FREM1: variants seen among roughly 807,000 people sequenced by gnomAD.
FREM1 encodes the protein FRAS1-related extracellular matrix protein 1.
FREM1 carries 220 observed loss-of-function variants against 210.1 expected under a neutral mutation model. That is an observed-to-expected ratio of 1.05 (90% confidence interval 0.94 to 1.17). The LOEUF (loss-of-function observed/expected upper bound fraction) is 1.17, where lower values mean the gene tolerates loss of function less well. FREM1 is among the 50% of genes most tolerant of loss of function. The probability of loss-of-function intolerance (pLI) is 0.00; values close to 1 mark genes in which losing one functional copy is unlikely to be tolerated. For missense variants in FREM1, 3,454 were observed against 2,675.5 expected (o/e 1.29, Z -6.42); for synonymous variants, 1,189 against 980.2 (o/e 1.21, Z -3.98).
In FREM1 at chr9:14,841,496, T is replaced by G. The variant is rs770336457; in HGVS notation, c.1832A>C (p.Gln611Pro). 2.5e-6 allele frequency: 4 copies of G among 1,612,264 alleles called. No individual in the cohort carries two copies. The highest frequency in any genetic ancestry group is 3.3e-5 in the Admixed American group (2 of 59,954). Residue 611 changes from glutamine to proline, a missense_variant, in exon 10 of 37, where the codon CAA (glutamine) becomes CCA (proline). Coordinates refer to ENST00000380880, the MANE Select transcript of FREM1 (RefSeq NM_001379081.2). ...FGGEIFEDSF[Q>P]FVLWDSHEPP... ...TTCATGGCTGTCCCACAGGACAAAT[T>G]GAAAAGAATCTTCAAAGATTTCTCC...
intron 35 of FREM1, among the ~76,000 whole-genome samples, chr9:14,744,202 A>T (rs1425450620): frequency 6.6e-6 from 1 of 152,152 alleles, no homozygotes; most frequent in Non-Finnish European, 1.5e-5. Context: ...TGGTTTAACT[A>T]GTTTTTGAAC....
At chr9:14,867,796 T>C (rs1564123971) in intron 2 of FREM1, among the ~76,000 whole-genome samples, 2 of 152,206 alleles carry the variant, frequency 1.3e-5, no homozygotes, top group East Asian at 1.9e-4. Context: ...ATTCTCAAGA[T>C]TGTTTGCACT....
chr9:14,864,451 G>C (rs1179379107), intron 2 of FREM1, among the ~76,000 whole-genome samples: 3 of 152,066 alleles, frequency 2.0e-5, no homozygotes, highest in Non-Finnish European at 4.4e-5. Flanking sequence ...AGCCTAACAT[G>C]ACCCAGAGTT....
chr9:14,824,012 CA>C lies in FREM1; in HGVS notation c.2169+12del. 6.5e-7 allele frequency: 1 copy of C among 1,532,532 alleles called. No homozygotes were observed. The highest frequency in any genetic ancestry group is 8.9e-7 in the Non-Finnish European group (1 of 1,120,370). 94.9% of individuals were successfully genotyped at this position (1,532,532 alleles called of 1,614,324 possible). On this transcript the variant is annotated intron_variant, in intron 12 of 36. Transcript: ENST00000380880. ...TGCATCATGTTTGTCAGCATTTTAG[CA>C]TATCCTCATACCTGAGTGAATGACC... is the stretch of plus-strand genomic sequence containing the variant.
chr9:14,896,544 C>T (rs1408396008), intron 1 of FREM1, among the ~76,000 whole-genome samples: 4 of 82,636 alleles, frequency 4.8e-5, no homozygotes, highest in African/African-American at 8.5e-5. Context: ...GACTCCATCT[C>T]AAAAAAAAAA....
intron 1 of FREM1, among the ~76,000 whole-genome samples, chr9:14,870,761 G>A (rs7872959): frequency 0.026 from 3,985 of 150,442 alleles, 167 homozygotes; most frequent in African/African-American, 0.091. Context: ...CCATTAACTC[G>A]TCACTTAGCA....
chr9:14,859,540 C>A, intron 3 of FREM1, 56 bp from the exon 4 acceptor site: 1 of 1,412,458 alleles, frequency 7.1e-7, no homozygotes, highest in South Asian at 1.4e-5. Context: ...ATTTCTGATA[C>A]CCATGTACTC....
intron 7 of FREM1, among the ~76,000 whole-genome samples, chr9:14,847,668 C>T (rs973787276): frequency 2.0e-5 from 3 of 152,086 alleles, no homozygotes; most frequent in Non-Finnish European, 4.4e-5. Flanking sequence ...CAAATTTCAA[C>T]GATGGCACAG....
chr9:14,880,230 T>C (rs1359274730), intron 1 of FREM1, among the ~76,000 whole-genome samples: 1 of 152,178 alleles, frequency 6.6e-6, no homozygotes, highest in African/African-American at 2.4e-5. Flanking sequence ...CTGTCTACGG[T>C]ATTTCTGTTA....
chr9:14,769,869 C>A lies in FREM1; in HGVS notation c.5060-1G>T. 2 of 1,439,558 alleles carry A rather than the reference C, an allele frequency of 1.4e-6. No homozygotes were observed. The highest frequency in any genetic ancestry group is 1.9e-6 in the Non-Finnish European group (2 of 1,054,930). 89.2% of individuals were successfully genotyped at this position (1,439,558 alleles called of 1,614,324 possible). ...CTAAATTTCTCATGGATAAATTCACCTAAAAAAAGAAATAAATGAATATCA... is the reference window on the plus strand; with the variant it reads ...CTAAATTTCTCATGGATAAATTCACATAAAAAAAGAAATAAATGAATATCA... On this transcript the variant is annotated splice_acceptor_variant, in intron 26 of 36. Transcript: ENST00000380880. LOFTEE classifies it high-confidence loss of function.
intron 11 of FREM1, among the ~76,000 whole-genome samples, chr9:14,824,449 G>A (rs1353849537): frequency 2.0e-5 from 3 of 152,176 alleles, no homozygotes; most frequent in African/African-American, 7.2e-5. Context: ...ATCATAGAAT[G>A]TAACGATTTC....
chr9:14,793,158 T>C (rs987746969), intron 21 of FREM1, among the ~76,000 whole-genome samples: 6 of 152,248 alleles, frequency 3.9e-5, no homozygotes, highest in Admixed American at 3.3e-4. Context: ...TACAATTTTG[T>C]AAGTTATAAT....
chr9:14,816,748 A>C, intron 15 of FREM1, 30 bp downstream of exon 15: 1 of 1,248,928 alleles, frequency 8.0e-7, no homozygotes, highest in Non-Finnish European at 1.1e-6. Flanking sequence ...AGACTAAGAC[A>C]ATAACCCAGG....
intron 22 of FREM1, chr9:14,790,816 C>G (rs1017782612): frequency 6.6e-6 from 1 of 152,202 alleles, no homozygotes; most frequent in African/African-American, 2.4e-5. Context: ...AACCTGGACC[C>G]ATCTGCATTT....
At chr9:14,872,025 A>G (rs1259589894) in intron 1 of FREM1, among the ~76,000 whole-genome samples, 2 of 152,012 alleles carry the variant, frequency 1.3e-5, no homozygotes, top group Non-Finnish European at 2.9e-5. Context: ...CCATTGATCT[A>G]TATCTCTGTT....
chr9:14,876,557 C>T (rs952540021), intron 1 of FREM1, among the ~76,000 whole-genome samples: 2 of 152,274 alleles, frequency 1.3e-5, no homozygotes, highest in East Asian at 1.9e-4. Context: ...GTGGGAGTGA[C>T]CCAATCTTCC....
intron 21 of FREM1, 67 bp downstream of exon 21, chr9:14,797,427 CCTGT>C: frequency 7.5e-7 from 1 of 1,331,774 alleles, no homozygotes; most frequent in Non-Finnish European, 1.0e-6. Flanking sequence ...CACACACACA[CCTGT>C]ACCTAGTATT....
intron 1 of FREM1, among the ~76,000 whole-genome samples, chr9:14,884,906 T>A (rs1256688097): frequency 6.9e-6 from 1 of 145,096 alleles, no homozygotes; most frequent in East Asian, 2.2e-4. Flanking sequence ...TATCAATAAT[T>A]CATCATAGCT....
intron 10 of FREM1, among the ~76,000 whole-genome samples, chr9:14,840,146 T>C (rs573609718): frequency 2.0e-5 from 3 of 152,358 alleles, no homozygotes; most frequent in South Asian, 2.1e-4. Flanking sequence ...CTCAATCATC[T>C]ATGCATTAGC....
Sources: gnomAD v4.1 joint callset for allele counts (sites outside exome capture counted in the v4.1 genomes callset) on GRCh38, gnomAD v4.1.1 for gene constraint, MANE v1.5 for transcripts, NCBI Gene and HGNC (gene_info 2026-07-23, HGNC 2026-07-21) for gene names.